Variants in TBCK observed in about 807,000 individuals in gnomAD.
The protein encoded by TBCK is TBC domain-containing protein kinase-like protein.
A neutral mutation model predicts 113.4 loss-of-function variants in TBCK; 99 were observed. The ratio of observed to expected loss-of-function variants is 0.87; its 90% confidence interval spans 0.74 to 1.03. The LOEUF (loss-of-function observed/expected upper bound fraction) is 1.03. Ranked by LOEUF, TBCK falls within the 50% of genes least tolerant of loss-of-function variation. TBCK has a pLI of 0.00. For missense variants in TBCK, 1,045 were observed against 1,061.3 expected, an observed-to-expected ratio of 0.98 and a Z score of 0.21; for synonymous variants, 369 against 370.8, an observed-to-expected ratio of 1.00 and a Z score of 0.05.
chr4:106,266,460 G>A (rs901915850), intron 3 of TBCK, among the ~76,000 whole-genome samples: 1 of 151,744 alleles, frequency 6.6e-6, no homozygotes. Flanking sequence ...TTTTCCCATT[G>A]AACAAGTTCT....
At chr4:106,072,769 A>G (rs1560606562) in intron 25 of TBCK, among the ~76,000 whole-genome samples, 1 of 152,092 alleles carries the variant, frequency 6.6e-6, no homozygotes, top group Non-Finnish European at 1.5e-5. Flanking sequence ...ACAGAGTCCC[A>G]TATTTCTTGG....
In TBCK at chr4:106,247,532, TA is replaced by T. The variant is rs1760977831; in HGVS notation, c.783-246del. On this transcript the variant is annotated intron_variant, in intron 9 of 25. Coordinates refer to ENST00000394708, the MANE Select transcript of TBCK (RefSeq NM_001163435.3). ...ATGATGTATCAAAAATATCATTCCA[TA>T]AAAGCTTCTGCATTGTTTACTTTTA... 1.7e-5 allele frequency: 6 copies of T among 357,366 alleles called. 1 individual carries two copies. In the South Asian group the frequency reaches 2.4e-4, roughly 14 times the overall value. 22.1% of individuals were successfully genotyped at this position (357,366 alleles called of 1,614,324 possible).
At chr4:106,311,176 CTAT>C (rs1448885365) in intron 1 of TBCK, among the ~76,000 whole-genome samples, 4 of 148,712 alleles carry the variant, frequency 2.7e-5, no homozygotes, top group East Asian at 4.1e-4. Flanking sequence ...CACTATCTTG[CTAT>C]TATATTCCTA....
chr4:106,161,186 G>A (rs569399294), intron 23 of TBCK, among the ~76,000 whole-genome samples: 64 of 152,160 alleles, frequency 4.2e-4, no homozygotes, highest in African/African-American at 1.5e-3. Flanking sequence ...AATGGTTAAG[G>A]TGGTAAATTT....
At chr4:106,149,554 G>A (rs1748238072) in intron 23 of TBCK, among the ~76,000 whole-genome samples, 1 of 152,166 alleles carries the variant, frequency 6.6e-6, no homozygotes, top group African/African-American at 2.4e-5. Flanking sequence ...GGTTGGGGGA[G>A]CAATGAGAAC....
intron 17 of TBCK, among the ~76,000 whole-genome samples, chr4:106,232,394 T>A (rs899625839): frequency 2.6e-5 from 4 of 151,324 alleles, no homozygotes; most frequent in African/African-American, 9.8e-5. Flanking sequence ...AATATAAAAG[T>A]AGCCACTTAT....
At chr4:106,220,302 T>C (rs1410771754) in intron 19 of TBCK, among the ~76,000 whole-genome samples, 2 of 152,182 alleles carry the variant, frequency 1.3e-5, no homozygotes, top group Non-Finnish European at 2.9e-5. Flanking sequence ...CTTTTGCTTC[T>C]TCCTCATCTT....
intron 20 of TBCK, among the ~76,000 whole-genome samples, chr4:106,210,833 T>TA (rs1292360018): frequency 6.6e-6 from 1 of 152,222 alleles, no homozygotes; most frequent in Non-Finnish European, 1.5e-5. Context: ...CATTGTTTCT[T>TA]ACATCATACT....
At chr4:106,254,453 A>G (rs1761769006) in intron 5 of TBCK, among the ~76,000 whole-genome samples, 1 of 152,180 alleles carries the variant, frequency 6.6e-6, no homozygotes. Flanking sequence ...CTTCTTCAGT[A>G]ATTATGACTT....
intron 23 of TBCK, among the ~76,000 whole-genome samples, chr4:106,154,467 C>T (rs550106563): frequency 2.4e-4 from 36 of 152,232 alleles, no homozygotes; most frequent in Admixed American, 3.9e-4. Context: ...CATGTCTCTC[C>T]ACCCAAATCT....
Position 106,042,608 on chromosome 4 carries a change from C to T in TBCK, c.*3962G>A, listed in dbSNP as rs1467525702. ...TCTCCTGACCTTGTGATCTGCCTGC[C>T]TCGGCCTCCCAAAGTGAATAAGATT... On this transcript the variant is annotated 3_prime_UTR_variant, in exon 26 of 26. Coordinates refer to ENST00000394708, the MANE Select transcript of TBCK (RefSeq NM_001163435.3). 3 of 152,128 alleles carry T rather than the reference C, an allele frequency of 2.0e-5. No individual in the cohort carries two copies. 9.4% of individuals were successfully genotyped at this position (152,128 alleles called of 1,614,324 possible).
intron 16 of TBCK, 42 bp downstream of exon 16, chr4:106,233,546 G>A: frequency 3.3e-6 from 5 of 1,504,426 alleles, no homozygotes; most frequent in Non-Finnish European, 3.7e-6. Context: ...TTAAATATTT[G>A]GCAGAATTAT....
chr4:106,169,149 T>C (rs539698931), intron 23 of TBCK, among the ~76,000 whole-genome samples: 44 of 152,226 alleles, frequency 2.9e-4, no homozygotes, highest in East Asian at 1.9e-4. Context: ...CAAATTGATA[T>C]GTAGATTCAA....
At chr4:106,166,032 C>T (rs62321378) in intron 23 of TBCK, among the ~76,000 whole-genome samples, 11,660 of 151,544 alleles carry the variant, frequency 0.077, 514 homozygotes, top group Middle Eastern at 0.18. Context: ...TTATAAAAGC[C>T]GCTTTTAAAA....
chr4:106,055,872 A>T (rs1348424339), intron 25 of TBCK, among the ~76,000 whole-genome samples: 1 of 151,610 alleles, frequency 6.6e-6, no homozygotes, highest in Non-Finnish European at 1.5e-5. Context: ...TATTGAGACT[A>T]TCACCTGGAA....
Position 106,138,765 on chromosome 4 carries a change from G to A in TBCK, c.2236-22387C>T, listed in dbSNP as rs573442068. Reference sequence around the variant, plus strand: ...GAACCAGGTAAGTTTCCTACACTCAGGTGAACAATATGAAAAAGTTAATGA... The same window carrying A: ...GAACCAGGTAAGTTTCCTACACTCAAGTGAACAATATGAAAAAGTTAATGA... On this transcript the variant is annotated intron_variant, in intron 23 of 25. Transcript: ENST00000394708. 2.8e-5 allele frequency among the ~76,000 whole-genome samples: 4 copies of A among 141,090 alleles called. 1 individual carries two copies. Among genetic ancestry groups the A allele is most frequent in the Non-Finnish European group, 4.8e-5 (3 of 62,040 alleles). 92.6% of individuals were successfully genotyped at this position (141,090 alleles called of 152,430 possible).
At chr4:106,113,139 G>A (rs918085709) in intron 24 of TBCK, among the ~76,000 whole-genome samples, 1 of 152,122 alleles carries the variant, frequency 6.6e-6, no homozygotes, top group African/African-American at 2.4e-5. Flanking sequence ...TTGCATTTAT[G>A]GGGTGGCCTA....
At chr4:106,091,406 G>C (rs1358030879) in intron 25 of TBCK, among the ~76,000 whole-genome samples, 1 of 152,226 alleles carries the variant, frequency 6.6e-6, no homozygotes, top group Non-Finnish European at 1.5e-5. Context: ...GAACTGGTGG[G>C]TTCTTGGTCT....
At chr4:106,134,091 T>C (rs1349884252) in intron 23 of TBCK, among the ~76,000 whole-genome samples, 2 of 151,966 alleles carry the variant, frequency 1.3e-5, no homozygotes, top group African/African-American at 4.8e-5. Context: ...ATCTTTCAAA[T>C]AGCTGACTAG....
Sources: gnomAD v4.1 joint callset for allele counts (sites outside exome capture counted in the v4.1 genomes callset) on GRCh38, gnomAD v4.1.1 for gene constraint, MANE v1.5 for transcripts, NCBI Gene and HGNC (gene_info 2026-07-23, HGNC 2026-07-21) for gene names.